The following SPECC1 variants were observed in gnomAD, a reference collection of about 807,000 sequenced individuals.
SPECC1 encodes cytospin-B.
A neutral mutation model predicts 104.1 loss-of-function variants in SPECC1; 62 were observed. The ratio of observed to expected loss-of-function variants is 0.60; its 90% CI spans 0.49 to 0.74. The LOEUF (loss-of-function observed/expected upper bound fraction) is 0.74, where lower values mean the gene tolerates loss of function less well. Among genes scored for constraint, SPECC1 ranks in the 30% least tolerant of loss-of-function variants. The pLI, the probability that SPECC1 is intolerant of heterozygous loss-of-function variation, is 0.00. For missense variants in SPECC1, 1,306 were observed against 1,310.5 expected, an observed-to-expected ratio of 1.00 and a Z score of 0.05; for synonymous variants, 513 against 501.6, an observed-to-expected ratio of 1.02 and a Z score of -0.30.
chr17:20,237,314 T>C (rs2038976692), intron 7 of SPECC1: 2 of 1,032,400 alleles, frequency 1.9e-6, no homozygotes, highest in Non-Finnish European at 2.3e-6. Context: ...TGTTTTGTTT[T>C]GTTTTTTTTT....
chr17:20,132,961 G>A (rs536659556), intron 3 of SPECC1, among the ~76,000 whole-genome samples: 198 of 152,046 alleles, frequency 1.3e-3, no homozygotes, highest in African/African-American at 4.7e-3. Flanking sequence ...GGATGGTCTC[G>A]ATCTCCTGAC....
At chr17:20,122,028 G>A (rs998938818) in intron 3 of SPECC1, among the ~76,000 whole-genome samples, 40 of 152,326 alleles carry the variant, frequency 2.6e-4, no homozygotes, top group African/African-American at 9.1e-4. Context: ...TGAGCAAGAC[G>A]TGGGAGAGAT....
At chr17:20,119,876 C>T (rs1032638533) in intron 3 of SPECC1, among the ~76,000 whole-genome samples, 1 of 152,214 alleles carries the variant, frequency 6.6e-6, no homozygotes, top group Non-Finnish European at 1.5e-5. Context: ...TTCAAAATCC[C>T]AAATGCTTCA....
At chr17:20,242,057 C>T (rs1240535532) in intron 7 of SPECC1, among the ~76,000 whole-genome samples, 1 of 152,204 alleles carries the variant, frequency 6.6e-6, no homozygotes, top group African/African-American at 2.4e-5. Context: ...GACCCGCCCT[C>T]TTCACAAATA....
intron 3 of SPECC1, among the ~76,000 whole-genome samples, chr17:20,136,310 A>T (rs1315931991): frequency 6.6e-6 from 1 of 151,906 alleles, no homozygotes; most frequent in Non-Finnish European, 1.5e-5. Context: ...TGTTAATCCC[A>T]GCTACTCAGG....
intron 1 of SPECC1, among the ~76,000 whole-genome samples, chr17:20,012,949 A>G (rs188884464): frequency 6.6e-6 from 1 of 152,314 alleles, no homozygotes; most frequent in East Asian, 1.9e-4. Context: ...AGTACCTCAT[A>G]TAGTATTTGT....
intron 10 of SPECC1, among the ~76,000 whole-genome samples, chr17:20,256,729 C>G (rs923532721): frequency 6.6e-6 from 1 of 152,178 alleles, no homozygotes; most frequent in African/African-American, 2.4e-5. Context: ...GAAATATAGT[C>G]TGGCTAGACA....
intron 14 of SPECC1, among the ~76,000 whole-genome samples, chr17:20,312,705 ATTC>A (rs2041965284): frequency 6.6e-6 from 1 of 152,176 alleles, no homozygotes; most frequent in Non-Finnish European, 1.5e-5. Context: ...GAGACATTCT[ATTC>A]TTGTATTCTG....
At chr17:20,117,737 T>C (rs2048831352) in intron 3 of SPECC1, among the ~76,000 whole-genome samples, 1 of 146,034 alleles carries the variant, frequency 6.8e-6, no homozygotes, top group Admixed American at 6.8e-5. Context: ...GGAAAAATAA[T>C]ATAATAGAAA....
intron 3 of SPECC1, among the ~76,000 whole-genome samples, chr17:20,150,475 A>C (rs933045914): frequency 6.6e-6 from 1 of 151,780 alleles, no homozygotes; most frequent in Non-Finnish European, 1.5e-5. Flanking sequence ...TCCCGTCTCT[A>C]CTAAAAATAC....
At chr17:20,050,485 A>T (rs913541372) in intron 1 of SPECC1, among the ~76,000 whole-genome samples, 2 of 152,232 alleles carry the variant, frequency 1.3e-5, no homozygotes, top group Non-Finnish European at 2.9e-5. Context: ...TTAAAATGCA[A>T]ATTCAATAAA....
intron 1 of SPECC1, chr17:20,057,546 C>T (rs116183097): frequency 0.074 from 11,194 of 152,202 alleles, 548 homozygotes; most frequent in African/African-American, 0.14. Flanking sequence ...CAGGCTGTGG[C>T]GCAGCATGAC....
At chr17:20,279,117 C>T (rs2040671979) in intron 12 of SPECC1, among the ~76,000 whole-genome samples, 1 of 152,142 alleles carries the variant, frequency 6.6e-6, no homozygotes, top group Non-Finnish European at 1.5e-5. Flanking sequence ...TCCCCCAGGA[C>T]AGCATGTGAG....
intron 3 of SPECC1, among the ~76,000 whole-genome samples, chr17:20,126,909 T>C (rs990018912): frequency 3.9e-5 from 6 of 152,234 alleles, no homozygotes; most frequent in Non-Finnish European, 8.8e-5. Context: ...TGTTATTACT[T>C]TGATTATTGC....
intron 2 of SPECC1, among the ~76,000 whole-genome samples, chr17:20,104,115 C>G (rs980195417): frequency 2.6e-5 from 4 of 152,100 alleles, no homozygotes; most frequent in African/African-American, 9.7e-5. Context: ...AGGTTACAAT[C>G]AGTTGGTTAG....
At chr17:20,040,440 T>G (rs1413629549) in intron 1 of SPECC1, among the ~76,000 whole-genome samples, 2 of 152,212 alleles carry the variant, frequency 1.3e-5, no homozygotes, top group Non-Finnish European at 2.9e-5. Context: ...TCTTGATGTT[T>G]CTGGATTCCT....
At chr17:20,098,762 T>G (rs2047776917) in intron 2 of SPECC1, among the ~76,000 whole-genome samples, 1 of 152,218 alleles carries the variant, frequency 6.6e-6, no homozygotes, top group South Asian at 2.1e-4. Flanking sequence ...TCCTGCTGCC[T>G]TGTTTTCCTT....
intron 14 of SPECC1, among the ~76,000 whole-genome samples, chr17:20,309,304 TG>T (rs1199446857): frequency 6.6e-6 from 1 of 152,246 alleles, no homozygotes; most frequent in African/African-American, 2.4e-5. Flanking sequence ...CAAGTTCTGT[TG>T]TTAGATTATG....
At chr17:20,041,430 C>T (rs1287657447) in intron 1 of SPECC1, among the ~76,000 whole-genome samples, 6 of 151,744 alleles carry the variant, frequency 4.0e-5, no homozygotes, top group Admixed American at 3.3e-4. Flanking sequence ...TTAGTAGAGA[C>T]GGGGTTTCTC....
Sources: allele counts gnomAD v4.1 joint callset (sites outside exome capture counted in the v4.1 genomes callset), GRCh38; gene constraint gnomAD v4.1.1; transcripts MANE v1.5; gene names NCBI Gene and HGNC (gene_info 2026-07-23, HGNC 2026-07-21).